Variants in RIC1 observed in about 807,000 individuals in gnomAD.
RIC1 encodes RIC1 partner of RAB6A GEF complex, also known as guanine nucleotide exchange factor subunit RIC1.
In RIC1, 88 loss-of-function variants were observed where a neutral mutation model predicts 169.0. The observed-to-expected ratio is 0.52, with a 90% CI of 0.44 to 0.62. RIC1 has a LOEUF of 0.62. Among genes scored for constraint, RIC1 ranks in the 20% least tolerant of loss-of-function variants. The pLI is 0.00. For synonymous variants in RIC1, 790 were observed against 601.5 expected, an observed-to-expected ratio of 1.31 and a Z score of -4.59; for missense variants, 1,877 against 1,725.5, an observed-to-expected ratio of 1.09 and a Z score of -1.56.
intron 1 of RIC1, among the ~76,000 whole-genome samples, chr9:5,646,745 C>G (rs1176447346): frequency 6.6e-6 from 1 of 152,164 alleles, no homozygotes; most frequent in Non-Finnish European, 1.5e-5. Flanking sequence ...ACTGTATTTT[C>G]TTCTGTTTCA....
rs115588261 is a variant in RIC1 at position 5,636,021 on chromosome 9, A to G, written c.144+6568A>G. Among the ~76,000 whole-genome samples the G allele has an allele frequency of 4.0e-3, 603 of 152,344 alleles. 1 individual carries two copies. The highest frequency in any genetic ancestry group is 0.014 in the African/African-American group (588 of 41,574). ...TCCAGCTTTGTTGTTCTTTCTCAAG[A>G]TGGCCTTGGCTATTCATGGGCTATT... On this transcript the variant is annotated intron_variant, in intron 1 of 25. Coordinates refer to ENST00000414202, the MANE Select transcript of RIC1 (RefSeq NM_020829.4).
chr9:5,666,804 TGATTACCAAAA>T (rs879422568), intron 2 of RIC1, among the ~76,000 whole-genome samples: 51,102 of 152,134 alleles, frequency 0.34, 9,074 homozygotes, highest in East Asian at 0.59. Flanking sequence ...TGATTTATAT[TGATTACCAAAA>T]CTCAAGTCAG....
chr9:5,702,119 C>G (rs890417829), intron 3 of RIC1, among the ~76,000 whole-genome samples: 9 of 152,046 alleles, frequency 5.9e-5, no homozygotes, highest in African/African-American at 2.2e-4. Context: ...GGGACAAAAG[C>G]TAAATTCAGA....
intron 3 of RIC1, among the ~76,000 whole-genome samples, chr9:5,712,559 T>C (rs1322885206): frequency 6.6e-6 from 1 of 152,194 alleles, no homozygotes; most frequent in African/African-American, 2.4e-5. Context: ...AAAGAAGACA[T>C]ATGTCTTTTT....
In RIC1 at chr9:5,763,502, G is replaced by T. The variant is rs149258225; in HGVS notation, c.2475G>T (p.Gln825His). The T allele has an allele frequency of 6.2e-7, 1 of 1,614,036 alleles. No homozygotes were observed. Among genetic ancestry groups the T allele is most frequent in the South Asian group, 1.1e-5 (1 of 91,088 alleles). ...TCTGTGTTGTGGAGAGAACCTCTCAGATCTACCTCCACCACATTCTACGTC... is the reference window on the plus strand; with the variant it reads ...TCTGTGTTGTGGAGAGAACCTCTCATATCTACCTCCACCACATTCTACGTC... ...FPFCVVERTS[Q>H]IYLHHILRQL... Residue 825 changes from glutamine to histidine, a missense_variant, in exon 19 of 26, where the codon CAG becomes CAT. This residue lies in a region of RIC1 where 92 missense variants were observed against 151.5 expected (regional missense o/e 0.61). Coordinates refer to ENST00000414202, the MANE Select transcript of RIC1 (RefSeq NM_020829.4). This position sits in a 1 kb window ranked among gnomAD's most constrained non-coding sequence, Gnocchi z 5.2.
chr9:5,686,600 G>C (rs1821245635), intron 2 of RIC1, among the ~76,000 whole-genome samples: 1 of 143,408 alleles, frequency 7.0e-6, no homozygotes, highest in Non-Finnish European at 1.5e-5. Context: ...AGACATGAAG[G>C]GGAATATCAC....
chr9:5,664,282 GCATACCTGTAGTCC>G (rs566850244), intron 2 of RIC1, among the ~76,000 whole-genome samples: 25 of 152,028 alleles, frequency 1.6e-4, no homozygotes, highest in Non-Finnish European at 3.4e-4. Context: ...GTGTCGTGGC[GCATACCTGTAGTCC>G]CAGCTACTCA....
chr9:5,769,415 T>C, intron 22 of RIC1, 159 bp downstream of exon 22: 1 of 1,555,644 alleles, frequency 6.4e-7, no homozygotes, highest in Non-Finnish European at 8.7e-7. Flanking sequence ...TGCCCACTGT[T>C]TGACCAAAGA....
intron 3 of RIC1, among the ~76,000 whole-genome samples, chr9:5,700,705 T>C (rs1038665817): frequency 1.3e-5 from 2 of 152,142 alleles, no homozygotes; most frequent in Non-Finnish European, 2.9e-5. Context: ...ATATATGCAT[T>C]GTGTAAACAC....
At chr9:5,747,572 T>C in intron 12 of RIC1, 67 bp downstream of exon 12, 2 of 1,348,908 alleles carry the variant, frequency 1.5e-6, no homozygotes, top group Non-Finnish European at 2.1e-6. Flanking sequence ...AACAGATTAT[T>C]AAATATTTCA....
In RIC1 at chr9:5,747,451, A is replaced by G; in HGVS notation, c.1398A>G (p.Leu466=). Residue 466 remains leucine, a synonymous_variant, in exon 12 of 26, where the codon TTA becomes TTG. Coordinates refer to ENST00000414202, the MANE Select transcript of RIC1 (RefSeq NM_020829.4). ...REKSPFADGG[L]ESQGLSTLLG... is the part of the protein sequence containing the mutation. ...AGAGCCCATTTGCAGATGGAGGTTT[A>G]GAGTCTCAGGGATTAAGCACTTTAC... 6.2e-7 allele frequency: 1 copy of G among 1,614,112 alleles called. No individual in the cohort carries two copies. The highest frequency in any genetic ancestry group is 8.5e-7 in the Non-Finnish European group (1 of 1,179,944).
At chr9:5,645,561 C>T (rs1259614825) in intron 1 of RIC1, among the ~76,000 whole-genome samples, 2 of 152,182 alleles carry the variant, frequency 1.3e-5, no homozygotes. Flanking sequence ...CTGGTTTTCT[C>T]ATCCCATCAG....
intron 1 of RIC1, among the ~76,000 whole-genome samples, chr9:5,637,757 C>G (rs1008345856): frequency 3.9e-5 from 6 of 152,214 alleles, no homozygotes; most frequent in Non-Finnish European, 8.8e-5. Flanking sequence ...ATAATGACCT[C>G]TAGTTCCATC....
In RIC1 at chr9:5,742,924, T is replaced by C. The variant is rs1257194952; in HGVS notation, c.957T>C (p.Ser319=). ...VKLMRWSPDN[S]VVIVTWEYGG... is the part of the protein sequence containing the mutation. Reference sequence around the variant, plus strand: ...TGATGAGATGGTCTCCTGACAATAGTGTTGTAATAGTGACCTGGGAATACG... The same window carrying C: ...TGATGAGATGGTCTCCTGACAATAGCGTTGTAATAGTGACCTGGGAATACG... The change falls in exon 9 of 26, where the codon AGT becomes AGC. Residue 319 remains serine (S), a synonymous_variant. Coordinates refer to ENST00000414202, the MANE Select transcript of RIC1 (RefSeq NM_020829.4). 2 of 1,613,116 alleles carry C rather than the reference T, an allele frequency of 1.2e-6. No individual in the cohort carries two copies. The highest frequency in any genetic ancestry group is 1.7e-6 in the Non-Finnish European group (2 of 1,179,376).
intron 17 of RIC1, among the ~76,000 whole-genome samples, chr9:5,760,218 G>T (rs1057403940): frequency 6.6e-6 from 1 of 152,134 alleles, no homozygotes; most frequent in South Asian, 2.1e-4. Context: ...TCTGCCAGGG[G>T]TTTTTTTAGG....
chr9:5,679,333 G>C (rs1586931605), intron 2 of RIC1, among the ~76,000 whole-genome samples: 1 of 152,068 alleles, frequency 6.6e-6, no homozygotes, highest in East Asian at 1.9e-4. Flanking sequence ...GCTCTTTTTT[G>C]GTTCCATATG....
chr9:5,687,922 G>A (rs10758699), intron 2 of RIC1, among the ~76,000 whole-genome samples: 2 of 151,524 alleles, frequency 1.3e-5, no homozygotes, highest in South Asian at 4.2e-4. Flanking sequence ...GGGTTTTTTT[G>A]TGTGTGTGTG....
At chr9:5,663,332 T>C (rs1036032669) in intron 2 of RIC1, among the ~76,000 whole-genome samples, 2 of 152,208 alleles carry the variant, frequency 1.3e-5, no homozygotes, top group Non-Finnish European at 2.9e-5. Flanking sequence ...TCTGTAGATA[T>C]CTGTCAGGTC....
At chr9:5,665,092 T>C (rs1234395079) in intron 2 of RIC1, among the ~76,000 whole-genome samples, 5 of 152,158 alleles carry the variant, frequency 3.3e-5, no homozygotes, top group Non-Finnish European at 7.4e-5. Flanking sequence ...AATCTGGGTG[T>C]TCCTACATTG....
Sources: gnomAD v4.1 joint callset for allele counts (sites outside exome capture counted in the v4.1 genomes callset) on GRCh38, gnomAD v4.1.1 for gene constraint, gnomAD v4.1.1 regional missense constraint, Gnocchi (gnomAD v3.1) non-coding constraint, MANE v1.5 for transcripts, NCBI Gene and HGNC (gene_info 2026-07-23, HGNC 2026-07-21) for gene names.